Variants in UBE2R2 observed in about 807,000 individuals in gnomAD.
UBE2R2 encodes ubiquitin conjugating enzyme E2 R2.
A neutral mutation model predicts 27.8 loss-of-function variants in UBE2R2; 1 was observed. That is an observed-to-expected ratio of 0.04 (90% confidence interval 0.01 to 0.17). The LOEUF (loss-of-function observed/expected upper bound fraction) is 0.17. Among genes scored for constraint, UBE2R2 ranks in the 10% least tolerant of loss-of-function variants. UBE2R2 has a pLI of 1.00. For synonymous variants in UBE2R2, 106 were observed against 113.3 expected (o/e 0.94, Z 0.41); for missense variants, 100 against 291.0 (o/e 0.34, Z 4.78).
intron 1 of UBE2R2, among the ~76,000 whole-genome samples, chr9:33,845,370 C>T (rs192934648): frequency 2.0e-4 from 30 of 151,870 alleles, no homozygotes; most frequent in Non-Finnish European, 3.5e-4. Context: ...CCTCAGCCTC[C>T]CGAGTAGCTG....
intron 1 of UBE2R2, among the ~76,000 whole-genome samples, chr9:33,858,774 A>G (rs1024924973): frequency 2.0e-5 from 3 of 152,108 alleles, no homozygotes; most frequent in Non-Finnish European, 4.4e-5. Flanking sequence ...ATGCCAGGTA[A>G]TAGTGTATTC....
chr9:33,867,085 A>G (rs907465377), intron 1 of UBE2R2, among the ~76,000 whole-genome samples: 1 of 152,134 alleles, frequency 6.6e-6, no homozygotes, highest in Admixed American at 6.6e-5. Flanking sequence ...AGTATATATA[A>G]CATAAAATTC....
intron 3 of UBE2R2, among the ~76,000 whole-genome samples, chr9:33,903,114 T>G (rs1822280536): frequency 6.6e-6 from 1 of 151,646 alleles, no homozygotes; most frequent in Non-Finnish European, 1.5e-5. Flanking sequence ...AAAAAAAAAG[T>G]CTGAGTTTTA....
intron 1 of UBE2R2, among the ~76,000 whole-genome samples, chr9:33,874,541 A>T (rs1212099215): frequency 6.6e-6 from 1 of 152,078 alleles, no homozygotes; most frequent in Non-Finnish European, 1.5e-5. Flanking sequence ...ATGAAGAAAT[A>T]TATATGCACA....
chr9:33,895,006 A>G (rs1024598114), intron 2 of UBE2R2, among the ~76,000 whole-genome samples: 2 of 152,120 alleles, frequency 1.3e-5, no homozygotes, highest in African/African-American at 4.8e-5. Context: ...GGCCTTCCCT[A>G]TTATTGAAAT....
intron 1 of UBE2R2, among the ~76,000 whole-genome samples, chr9:33,841,142 G>A (rs1587436980): frequency 2.0e-5 from 3 of 152,106 alleles, no homozygotes; most frequent in African/African-American, 7.2e-5. Flanking sequence ...GTGTGCAGTG[G>A]TGCGATCTCG....
In UBE2R2 at chr9:33,917,405, G is replaced by A. The variant is rs1822675265; in HGVS notation, c.*168G>A. ...TGGATCTCAGTTTGCTCCTTTTTATGGACCTTTAATGGAGAGAGAGTAACC... is the reference window on the plus strand; with the variant it reads ...TGGATCTCAGTTTGCTCCTTTTTATAGACCTTTAATGGAGAGAGAGTAACC... On this transcript the variant is annotated 3_prime_UTR_variant, in exon 5 of 5. Transcript: ENST00000263228. The A allele has an allele frequency of 2.1e-5, 21 of 984,200 alleles. No individual in the cohort carries two copies. The highest frequency in any genetic ancestry group is 3.3e-5 in the African/African-American group (2 of 61,266). 61.0% of individuals were successfully genotyped at this position (984,200 alleles called of 1,614,324 possible). A position where few individuals can be genotyped will look rare whatever the true frequency, so the allele number is the denominator to read the frequency against.
At chr9:33,902,525 A>G (rs1238468597) in intron 3 of UBE2R2, among the ~76,000 whole-genome samples, 1 of 152,192 alleles carries the variant, frequency 6.6e-6, no homozygotes, top group Non-Finnish European at 1.5e-5. Context: ...TTTGCTATCT[A>G]TTAGAAGAGA....
intron 1 of UBE2R2, among the ~76,000 whole-genome samples, chr9:33,853,947 C>T (rs1432842221): frequency 1.3e-5 from 2 of 151,756 alleles, no homozygotes; most frequent in Non-Finnish European, 2.9e-5. Flanking sequence ...CCTAGCACCT[C>T]GGCCTCCCAA....
intron 1 of UBE2R2, among the ~76,000 whole-genome samples, chr9:33,878,593 G>A (rs1821665756): frequency 6.6e-6 from 1 of 152,148 alleles, no homozygotes; most frequent in Admixed American, 6.6e-5. Flanking sequence ...ACTCCAGCCT[G>A]GTTGACAGAG....
At chr9:33,830,119 TG>T (rs2130723959) in intron 1 of UBE2R2, among the ~76,000 whole-genome samples, 1 of 150,390 alleles carries the variant, frequency 6.6e-6, no homozygotes, top group East Asian at 2.0e-4. Flanking sequence ...TAGTTTTAAT[TG>T]GTTAATTTAT....
intron 1 of UBE2R2, among the ~76,000 whole-genome samples, chr9:33,873,633 A>G (rs1821536774): frequency 6.6e-6 from 1 of 152,064 alleles, no homozygotes; most frequent in Non-Finnish European, 1.5e-5. Context: ...AATATCCTGT[A>G]ATTTATATTA....
At chr9:33,887,480 C>T (rs111433574) in intron 2 of UBE2R2, among the ~76,000 whole-genome samples, 1 of 152,252 alleles carries the variant, frequency 6.6e-6, no homozygotes, top group Non-Finnish European at 1.5e-5. Context: ...TAGACAAGTG[C>T]ACATGCCTGG....
intron 1 of UBE2R2, among the ~76,000 whole-genome samples, chr9:33,833,724 C>G (rs1820549305): frequency 6.6e-6 from 1 of 152,166 alleles, no homozygotes; most frequent in African/African-American, 2.4e-5. Flanking sequence ...GTGTAACCAG[C>G]ATCATGACCT....
chr9:33,888,377 C>T (rs548649767), intron 2 of UBE2R2, among the ~76,000 whole-genome samples: 22 of 152,154 alleles, frequency 1.4e-4, no homozygotes, highest in African/African-American at 4.8e-4. Context: ...CTCATTTTTT[C>T]GTAGCAGCAT....
At chr9:33,845,339 C>T (rs554198420) in intron 1 of UBE2R2, among the ~76,000 whole-genome samples, 94 of 151,810 alleles carry the variant, frequency 6.2e-4, no homozygotes, top group African/African-American at 1.9e-3. Flanking sequence ...CTCCGCCTCC[C>T]GGGTTCACGC....
At chr9:33,901,770 A>G (rs925925458) in intron 3 of UBE2R2, among the ~76,000 whole-genome samples, 2 of 152,182 alleles carry the variant, frequency 1.3e-5, no homozygotes, top group African/African-American at 2.4e-5. Context: ...TTGAGAAAAT[A>G]GATATATTAA....
intron 3 of UBE2R2, among the ~76,000 whole-genome samples, chr9:33,901,734 G>A (rs1385170624): frequency 6.6e-6 from 1 of 152,030 alleles, no homozygotes; most frequent in Non-Finnish European, 1.5e-5. Context: ...TGGGTACCTT[G>A]TTCCATCCAA....
intron 3 of UBE2R2, among the ~76,000 whole-genome samples, chr9:33,906,633 T>G (rs1035328170): frequency 1.3e-5 from 2 of 152,178 alleles, no homozygotes; most frequent in African/African-American, 2.4e-5. Context: ...GTTAAAGTTA[T>G]GCTTATGGTG....
Sources: gnomAD v4.1 joint callset for allele counts (sites outside exome capture counted in the v4.1 genomes callset) on GRCh38, gnomAD v4.1.1 for gene constraint, MANE v1.5 for transcripts, NCBI Gene and HGNC (gene_info 2026-07-23, HGNC 2026-07-21) for gene names.